The following DIP2B variants were observed in gnomAD, a reference collection of about 807,000 sequenced individuals.
The protein encoded by DIP2B is disco-interacting protein 2 homolog B.
A neutral mutation model predicts 198.0 loss-of-function variants in DIP2B; 76 were observed. That is an observed-to-expected ratio of 0.38 (90% CI 0.32 to 0.46). The LOEUF is 0.46. Among genes scored for constraint, DIP2B ranks in the 20% least tolerant of loss-of-function variants. The pLI is 0.99. For synonymous variants in DIP2B, 701 were observed against 739.1 expected, an observed-to-expected ratio of 0.95 and a Z score of 0.84; for missense variants, 1,559 against 1,978.4, an observed-to-expected ratio of 0.79 and a Z score of 4.02.
intron 8 of DIP2B, 110 bp from the exon 9 acceptor site, chr12:50,680,562 G>C: frequency 1.1e-6 from 1 of 931,902 alleles, no homozygotes; most frequent in Non-Finnish European, 1.7e-6. Flanking sequence ...CCCATCATTT[G>C]GAAGTGGCCA....
intron 28 of DIP2B, 73 bp downstream of exon 28, chr12:50,724,959 G>A: frequency 6.9e-7 from 1 of 1,456,518 alleles, no homozygotes; most frequent in Non-Finnish European, 9.6e-7. Flanking sequence ...CCATTCTCAT[G>A]CCAGACGTGT....
At chr12:50,578,132 C>T (rs1958680053) in intron 1 of DIP2B, among the ~76,000 whole-genome samples, 1 of 152,298 alleles carries the variant, frequency 6.6e-6, no homozygotes, top group Non-Finnish European at 1.5e-5. Flanking sequence ...ATGCCTCAGC[C>T]TCCCAAGTAG....
intron 1 of DIP2B, among the ~76,000 whole-genome samples, chr12:50,623,149 C>T (rs1593663693): frequency 1.3e-5 from 2 of 151,750 alleles, no homozygotes. Context: ...TTTGGGAGAC[C>T]GAGACGAGAG....
At chr12:50,548,347 C>G (rs1273182713) in intron 1 of DIP2B, among the ~76,000 whole-genome samples, 2 of 152,044 alleles carry the variant, frequency 1.3e-5, no homozygotes, top group African/African-American at 4.8e-5. Flanking sequence ...GCTACTTTAA[C>G]TTTTAACAAC....
intron 2 of DIP2B, among the ~76,000 whole-genome samples, chr12:50,626,821 T>C (rs1937945714): frequency 6.6e-6 from 1 of 151,716 alleles, no homozygotes; most frequent in Admixed American, 6.6e-5. Context: ...GAGGACTTTG[T>C]ATCTCCCACA....
chr12:50,592,531 G>A (rs1958828712), intron 1 of DIP2B, among the ~76,000 whole-genome samples: 1 of 151,720 alleles, frequency 6.6e-6, no homozygotes, highest in Admixed American at 6.6e-5. Flanking sequence ...AGGCTGGAGT[G>A]CAGTGGCACG....
intron 4 of DIP2B, among the ~76,000 whole-genome samples, chr12:50,669,669 C>T (rs1399944914): frequency 6.6e-6 from 1 of 152,172 alleles, no homozygotes; most frequent in African/African-American, 2.4e-5. Flanking sequence ...AAGTGATCCA[C>T]CTACCTCGGC....
chr12:50,596,595 G>A (rs961767574), intron 1 of DIP2B, among the ~76,000 whole-genome samples: 49 of 152,314 alleles, frequency 3.2e-4, no homozygotes, highest in African/African-American at 1.1e-3. Flanking sequence ...GCCAGGTGCC[G>A]TCACTGACAC....
chr12:50,520,129 C>G (rs372614620), intron 1 of DIP2B, among the ~76,000 whole-genome samples: 2 of 149,528 alleles, frequency 1.3e-5, no homozygotes, highest in East Asian at 3.9e-4. Flanking sequence ...CCTCCGCCTC[C>G]TGGGTTCAAG....
At position 50,730,115 on chromosome 12, in the gene DIP2B, T is replaced by C. The variant is rs1049788355; in HGVS notation, c.3642-1254T>C. 8.5e-5 allele frequency among the ~76,000 whole-genome samples: 13 copies of C among 152,304 alleles called. No individual in the cohort carries two copies. In the East Asian group the frequency reaches 1.3e-3, roughly 16 times the overall value. On this transcript the variant is annotated intron_variant, in intron 30 of 37. Coordinates refer to ENST00000301180, the MANE Select transcript of DIP2B (RefSeq NM_173602.3). The stretch of plus-strand genomic sequence containing the variant: ...TATTGCAGCCTCTCCTAACTGTCTC[T>C]CAAGTTTCAGTGGCTCGTATCACCA...
chr12:50,517,345 G>A (rs1201670757), intron 1 of DIP2B, among the ~76,000 whole-genome samples: 1 of 152,092 alleles, frequency 6.6e-6, no homozygotes, highest in Non-Finnish European at 1.5e-5. Context: ...AAAGTGCTGA[G>A]ATTACAGGTG....
At chr12:50,530,649 A>G (rs1411185146) in intron 1 of DIP2B, among the ~76,000 whole-genome samples, 1 of 152,216 alleles carries the variant, frequency 6.6e-6, no homozygotes, top group African/African-American at 2.4e-5. Context: ...TCTCTGCAGT[A>G]GGATTAGGGA....
chr12:50,613,675 G>A (rs1959049895), intron 1 of DIP2B, among the ~76,000 whole-genome samples: 1 of 152,188 alleles, frequency 6.6e-6, no homozygotes, highest in African/African-American at 2.4e-5. Context: ...AAGGGACTGA[G>A]TATTAACATT....
chr12:50,591,351 C>T (rs567401772), intron 1 of DIP2B, among the ~76,000 whole-genome samples: 2 of 151,864 alleles, frequency 1.3e-5, no homozygotes, highest in East Asian at 3.9e-4. Context: ...TTTTGTTTAC[C>T]CATCTGATTT....
intron 13 of DIP2B, among the ~76,000 whole-genome samples, chr12:50,692,694 G>A (rs370914158): frequency 5.9e-5 from 9 of 152,172 alleles, no homozygotes; most frequent in African/African-American, 9.6e-5. Context: ...AAAATTAGCC[G>A]TGCATGGTGG....
At position 50,573,108 on chromosome 12, in the gene DIP2B, C is replaced by T. The variant is rs142767402; in HGVS notation, c.101-52868C>T. On this transcript the variant is annotated intron_variant, in intron 1 of 37. Transcript: ENST00000301180. ...CCAGCTGAACTAAATGGTTAAGTATCCTTTTTAGGCATCCCCTTAAATCTA... is the reference window on the plus strand; with the variant it reads ...CCAGCTGAACTAAATGGTTAAGTATTCTTTTTAGGCATCCCCTTAAATCTA... 3.3e-4 allele frequency among the ~76,000 whole-genome samples: 51 copies of T among 152,326 alleles called. 3 individuals carry two copies. In the East Asian group the frequency reaches 9.8e-3, roughly 29 times the overall value.
intron 37 of DIP2B, among the ~76,000 whole-genome samples, chr12:50,742,438 T>A: frequency 6.9e-6 from 1 of 144,902 alleles, no homozygotes; most frequent in Non-Finnish European, 1.5e-5. Context: ...TCTGTAGTGT[T>A]TACCTACTGG....
intron 1 of DIP2B, among the ~76,000 whole-genome samples, chr12:50,585,655 C>A (rs1272056354): frequency 1.3e-5 from 2 of 152,146 alleles, no homozygotes; most frequent in African/African-American, 4.8e-5. Flanking sequence ...GGAGTCAGAT[C>A]ACTTAAGGCT....
intron 34 of DIP2B, among the ~76,000 whole-genome samples, chr12:50,735,944 G>A (rs1369214205): frequency 6.6e-6 from 1 of 152,154 alleles, no homozygotes; most frequent in Non-Finnish European, 1.5e-5. Context: ...TTAGAATGAG[G>A]CTATAAAACG....
Sources: allele counts gnomAD v4.1 joint callset (sites outside exome capture counted in the v4.1 genomes callset), GRCh38; gene constraint gnomAD v4.1.1; transcripts MANE v1.5; gene names NCBI Gene and HGNC (gene_info 2026-07-23, HGNC 2026-07-21).